DHX8: variants seen among roughly 807,000 people sequenced by gnomAD.
The protein encoded by DHX8 is DEAH-box helicase 8, also known as ATP-dependent RNA helicase DHX8.
In DHX8, 67 loss-of-function variants were observed where a neutral mutation model predicts 140.7. That is an observed-to-expected ratio of 0.48 (90% CI 0.39 to 0.58). The LOEUF (loss-of-function observed/expected upper bound fraction) is 0.58. Ranked by LOEUF, DHX8 falls within the 20% of genes least tolerant of loss-of-function variation. The pLI, the probability that DHX8 is intolerant of heterozygous loss-of-function variation, is 0.00. For synonymous variants in DHX8, 533 were observed against 553.2 expected, an observed-to-expected ratio of 0.96 and a Z score of 0.51; for missense variants, 887 against 1,550.7, an observed-to-expected ratio of 0.57 and a Z score of 7.19.
At chr17:43,542,374 C>T (rs868774678) in intron 3 of DHX8, among the ~76,000 whole-genome samples, 2 of 152,120 alleles carry the variant, frequency 1.3e-5, no homozygotes, top group African/African-American at 4.8e-5. Context: ...GTCAATGGCC[C>T]TTACTACCAA....
chr17:43,542,577 C>A (rs1156257776), intron 3 of DHX8, among the ~76,000 whole-genome samples: 2 of 152,154 alleles, frequency 1.3e-5, no homozygotes, highest in Non-Finnish European at 2.9e-5. Flanking sequence ...ACCCCCAAAT[C>A]AGACACGCCC....
At position 43,504,669 on chromosome 17, in the gene DHX8, C is replaced by T; in HGVS notation, c.1572C>T (p.Asn524=). 1.9e-6 allele frequency: 3 copies of T among 1,612,574 alleles called. No individual in the cohort carries two copies. The highest frequency in any genetic ancestry group is 2.5e-6 in the Non-Finnish European group (3 of 1,179,478). ...CGGAAGGCAGACAGATTGCTGCCAA[C>T]ATGAGGGGTATTGGGATGATGCCCA... ...PDAEGRQIAA[N]MRGIGMMPND... The change falls in exon 12 of 23, where the codon AAC becomes AAT. Residue 524 remains asparagine (N), a synonymous_variant. Transcript: ENST00000262415.
At chr17:43,522,348 C>A in intron 22 of DHX8, 122 bp downstream of exon 22, 1 of 952,268 alleles carries the variant, frequency 1.1e-6, no homozygotes, top group Non-Finnish European at 1.5e-6. Flanking sequence ...CACTGCTTGC[C>A]TTTCTAGAGC....
chr17:43,507,332 A>G, intron 13 of DHX8, 135 bp downstream of exon 13: 11 of 1,136,082 alleles, frequency 9.7e-6, no homozygotes, highest in Non-Finnish European at 1.2e-5. Flanking sequence ...CATTGTCATA[A>G]TCAGTCTGTT....
rs200430936 is a variant in DHX8 at position 43,492,943 on chromosome 17, C to T, written c.766C>T (p.Arg256Cys). 127 of 1,614,004 alleles carry T rather than the reference C, an allele frequency of 7.9e-5. No individual in the cohort carries two copies. Among genetic ancestry groups the T allele is most frequent in the Admixed American group, 1.0e-4 (6 of 59,996 alleles). ...LDRWRDKHVDRPPPEEPTIGD... is the reference protein window; with the variant it reads ...LDRWRDKHVDCPPPEEPTIGD... ...TAGATGGCGGGATAAGCATGTGGACCGCCCTCCTCCAGAAGAGCCCACCAT... is the reference window on the plus strand; with the variant it reads ...TAGATGGCGGGATAAGCATGTGGACTGCCCTCCTCCAGAAGAGCCCACCAT... The change falls in exon 6 of 23, where the codon CGC (arginine) becomes TGC (cysteine). Residue 256 changes from arginine to cysteine, a missense_variant. Physicochemically the swap from Arg to Cys is radical, Grantham distance 180. Transcript: ENST00000262415.
Position 43,493,056 on chromosome 17 carries a change from C to T in DHX8, c.863+16C>T, listed in dbSNP as rs750914324. On this transcript the variant is annotated intron_variant, in intron 6 of 22. Transcript: ENST00000262415. ...AAGGACTAAGGTAATGACTGGTGCT[C>T]TTTTGTTCACACCAGTGATGGGCAG... The T allele has an allele frequency of 1.9e-6, 3 of 1,604,418 alleles. No homozygotes were observed. Among genetic ancestry groups the T allele is most frequent in the African/African-American group, 2.7e-5 (2 of 74,868 alleles).
At position 43,504,590 on chromosome 17, in the gene DHX8, G is replaced by A. The variant is rs147632843; in HGVS notation, c.1547-54G>A. 8.3e-4 allele frequency: 1,264 copies of A among 1,516,608 alleles called. 8 individuals carry two copies. The African/African-American group carries it at 0.016, about 19-fold the overall frequency. The allele number at this position is 1,516,608 out of a possible 1,614,324, so 93.9% of individuals were successfully genotyped here. A position where few individuals can be genotyped will look rare whatever the true frequency, so the allele number is the denominator to read the frequency against. ...CGCATGCCATTTTATTTTTTTCCTG[G>A]TACATCTTGAGGTAGCTTGAGGACA... On this transcript the variant is annotated intron_variant, in intron 11 of 22. Coordinates refer to ENST00000262415, the MANE Select transcript of DHX8 (RefSeq NM_004941.3).
chr17:43,534,718 T>C (rs1344959942), intron 2 of DHX8, among the ~76,000 whole-genome samples: 1 of 151,998 alleles, frequency 6.6e-6, no homozygotes, highest in African/African-American at 2.4e-5. Context: ...GGCGGGCGGA[T>C]CACCTGAAGT....
At chr17:43,537,291 G>A (rs1366111981) in intron 3 of DHX8, among the ~76,000 whole-genome samples, 2 of 152,178 alleles carry the variant, frequency 1.3e-5, no homozygotes, top group African/African-American at 4.8e-5. Context: ...CTTGAACCTG[G>A]GAGGCAGAGG....
intron 12 of DHX8, among the ~76,000 whole-genome samples, chr17:43,505,499 G>A (rs1969444031): frequency 6.6e-6 from 1 of 151,930 alleles, no homozygotes. Flanking sequence ...AGCCTGAGAG[G>A]TCGCGGCTAC....
intron 2 of DHX8, chr17:43,533,111 CAA>C: frequency 6.4e-7 from 1 of 1,564,766 alleles, no homozygotes; most frequent in Non-Finnish European, 8.7e-7. Flanking sequence ...CCCCACAGCT[CAA>C]GTCTTTATGG....
intron 1 of DHX8, among the ~76,000 whole-genome samples, chr17:43,488,565 C>T (rs1014983212): frequency 9.3e-5 from 14 of 151,138 alleles, no homozygotes; most frequent in African/African-American, 2.2e-4. Context: ...GAGCCGATAT[C>T]GCACCGCTGC....
chr17:43,489,415 C>T (rs764380728), intron 1 of DHX8, 34 bp from the exon 2 acceptor site: 2 of 1,443,928 alleles, frequency 1.4e-6, no homozygotes, highest in Admixed American at 1.8e-5. Flanking sequence ...TTGTTCATGT[C>T]TCTTCTTTTC....
intron 2 of DHX8, chr17:43,532,681 G>T: frequency 6.2e-7 from 1 of 1,611,732 alleles, no homozygotes; most frequent in Non-Finnish European, 8.5e-7. Flanking sequence ...TACCTGAGTC[G>T]TAGGCGAAGT....
At position 43,522,101 on chromosome 17, in the gene DHX8, C is replaced by T. The variant is rs1266890372; in HGVS notation, c.3318C>T (p.Ala1106=). The change falls in exon 22 of 23, where the codon GCC becomes GCT. Residue 1106 remains alanine (A), a synonymous_variant. Transcript: ENST00000262415. The part of the protein sequence containing the change: ...CGKSTVRVQK[A]ICSGFFRNAA... The stretch of plus-strand genomic sequence containing the variant: ...AGTCCACAGTCCGAGTGCAGAAGGC[C>T]ATCTGCAGTGGGTTCTTCCGTAATG... 1 of 1,614,082 alleles carries T rather than the reference C, an allele frequency of 6.2e-7. No individual in the cohort carries two copies. The highest frequency in any genetic ancestry group is 1.7e-5 in the Admixed American group (1 of 60,012).
chr17:43,497,315 A>G (rs1047162140), intron 9 of DHX8, among the ~76,000 whole-genome samples: 10 of 152,192 alleles, frequency 6.6e-5, no homozygotes, highest in Admixed American at 4.6e-4. Flanking sequence ...TAAATTGTCT[A>G]TAATTTATCC....
At chr17:43,512,248 A>G (rs1415205393) in intron 16 of DHX8, among the ~76,000 whole-genome samples, 2 of 151,988 alleles carry the variant, frequency 1.3e-5, no homozygotes, top group African/African-American at 2.4e-5. Context: ...TTAGCCAGGC[A>G]TGGTGACACG....
chr17:43,507,314 AG>A (rs1969549548), intron 13 of DHX8, 117 bp downstream of exon 13: 2 of 1,248,740 alleles, frequency 1.6e-6, no homozygotes, highest in African/African-American at 3.0e-5. Context: ...TGAGGGAGAG[AG>A]GGTTCCCATT....
At chr17:43,526,790 A>G, downstream of DHX8, 11 of 1,061,190 alleles carry the variant, frequency 1.0e-5, no homozygotes, top group Non-Finnish European at 1.4e-5. Context: ...TATTTTTAAA[A>G]CCTGTTTTTA....
Sources: gnomAD v4.1 joint callset for allele counts (sites outside exome capture counted in the v4.1 genomes callset) on GRCh38, gnomAD v4.1.1 for gene constraint, MANE v1.5 for transcripts, NCBI Gene and HGNC (gene_info 2026-07-23, HGNC 2026-07-21) for gene names.